Variants in TBC1D9 observed in about 807,000 individuals in gnomAD.
TBC1D9 encodes TBC1 domain family member 9A.
A neutral mutation model predicts 132.0 loss-of-function variants in TBC1D9; 63 were observed. That is an observed-to-expected ratio of 0.48 (90% CI 0.39 to 0.59). TBC1D9 has a LOEUF of 0.59. Among genes scored for constraint, TBC1D9 ranks in the 20% least tolerant of loss-of-function variants. The probability of loss-of-function intolerance (pLI) is 0.00; values close to 1 mark genes in which losing one functional copy is unlikely to be tolerated. For synonymous variants in TBC1D9, 610 were observed against 609.9 expected (o/e 1.00, Z 0.00); for missense variants, 1,261 against 1,592.7 (o/e 0.79, Z 3.54).
In TBC1D9 at chr4:140,676,993, G is replaced by A; in HGVS notation, c.960C>T (p.Asn320=). The change falls in exon 6 of 21, where the codon AAC becomes AAT. Residue 320 remains asparagine (N), a synonymous_variant. Coordinates refer to ENST00000442267, the MANE Select transcript of TBC1D9 (RefSeq NM_015130.3). ...HTDCTLWTPF[N]KMHILGQMFV... ...ACATCTGCCCCAAAATGTGCATTTT[G>A]TTAAATGGAGTCCAGAGAGTGCAGT... 6.2e-7 allele frequency: 1 copy of A among 1,613,968 alleles called. No homozygotes were observed. Among genetic ancestry groups the A allele is most frequent in the Non-Finnish European group, 8.5e-7 (1 of 1,179,888 alleles).
intron 6 of TBC1D9, among the ~76,000 whole-genome samples, chr4:140,675,150 A>T (rs190447483): frequency 2.0e-5 from 3 of 152,316 alleles, no homozygotes; most frequent in Non-Finnish European, 4.4e-5. Flanking sequence ...CAGAGAAAAA[A>T]CTAGAAAGCT....
At chr4:140,640,559 C>T (rs187175287) in intron 13 of TBC1D9, among the ~76,000 whole-genome samples, 39 of 152,088 alleles carry the variant, frequency 2.6e-4, no homozygotes, top group African/African-American at 9.2e-4. Context: ...GACATGAGGC[C>T]GTCTATCTTG....
At chr4:140,700,912 A>G (rs1738059107) in intron 2 of TBC1D9, 1 of 152,470 alleles carries the variant, frequency 6.6e-6, no homozygotes, top group African/African-American at 2.4e-5. Context: ...ACTGTGATCA[A>G]TGGAGATAGC....
intron 15 of TBC1D9, among the ~76,000 whole-genome samples, chr4:140,638,140 C>A (rs982746492): frequency 6.6e-6 from 1 of 152,124 alleles, no homozygotes; most frequent in African/African-American, 2.4e-5. Context: ...TTTTTATGTT[C>A]GTTTCTATTT....
chr4:140,643,088 A>G, intron 13 of TBC1D9: 10 of 1,363,438 alleles, frequency 7.3e-6, no homozygotes, highest in Non-Finnish European at 1.0e-5. Flanking sequence ...TGTGGGCTTC[A>G]GCTCCCGTGG....
chr4:140,648,412 G>T, intron 13 of TBC1D9, among the ~76,000 whole-genome samples: 1 of 148,256 alleles, frequency 6.7e-6, no homozygotes, highest in Non-Finnish European at 1.5e-5. Context: ...TTGAGACAGG[G>T]TCTTACTCTA....
At chr4:140,713,086 C>T (rs1738275934) in intron 1 of TBC1D9, among the ~76,000 whole-genome samples, 1 of 152,162 alleles carries the variant, frequency 6.6e-6, no homozygotes, top group Non-Finnish European at 1.5e-5. Flanking sequence ...TAACTAAGGT[C>T]TGAGTCTTGA....
At chr4:140,704,727 C>T (rs112521773) in intron 1 of TBC1D9, among the ~76,000 whole-genome samples, 3 of 152,288 alleles carry the variant, frequency 2.0e-5, no homozygotes, top group South Asian at 2.1e-4. Context: ...ATCTCCACCA[C>T]CACAATGTTC....
At chr4:140,657,058 G>T in intron 13 of TBC1D9, 39 bp downstream of exon 13, 1 of 1,604,660 alleles carries the variant, frequency 6.2e-7, no homozygotes, top group Non-Finnish European at 8.5e-7. Context: ...AGTGTCGAAT[G>T]CATGGTTAAG....
chr4:140,637,148 G>A lies in TBC1D9; in HGVS notation c.2505+1938C>T, dbSNP rs150092531. On this transcript the variant is annotated intron_variant, in intron 15 of 20. Coordinates refer to ENST00000442267, the MANE Select transcript of TBC1D9 (RefSeq NM_015130.3). Reference sequence around the variant, plus strand: ...AGGCAGATCACAAGGTCAGGAGTTCGAGACCAGCATGGCCAATATGGTGAA... The same window carrying A: ...AGGCAGATCACAAGGTCAGGAGTTCAAGACCAGCATGGCCAATATGGTGAA... Among the ~76,000 whole-genome samples, 1,206 of 152,090 alleles carry A rather than the reference G, an allele frequency of 7.9e-3. 13 individuals are homozygous for A. Among genetic ancestry groups the A allele is most frequent in the African/African-American group, 0.027 (1,113 of 41,492 alleles).
chr4:140,726,803 C>T (rs1422755120), intron 1 of TBC1D9, among the ~76,000 whole-genome samples: 1 of 152,224 alleles, frequency 6.6e-6, no homozygotes, highest in Non-Finnish European at 1.5e-5. Context: ...CTTTGTTACA[C>T]AAAGCAGTTA....
chr4:140,632,345 C>T (rs1052292216), intron 16 of TBC1D9, among the ~76,000 whole-genome samples: 1 of 151,222 alleles, frequency 6.6e-6, no homozygotes, highest in East Asian at 1.9e-4. Context: ...ATTAGCATAG[C>T]GTCAAAGGGG....
intron 13 of TBC1D9, among the ~76,000 whole-genome samples, chr4:140,647,569 A>T (rs972312587): frequency 6.6e-6 from 1 of 152,212 alleles, no homozygotes; most frequent in Non-Finnish European, 1.5e-5. Flanking sequence ...TTGGAGATAA[A>T]GTTCCAATAA....
At chr4:140,661,225 T>A (rs1737356569) in intron 10 of TBC1D9, among the ~76,000 whole-genome samples, 1 of 152,214 alleles carries the variant, frequency 6.6e-6, no homozygotes, top group Non-Finnish European at 1.5e-5. Flanking sequence ...ATATAGCCTT[T>A]GATTCTAAGG....
intron 1 of TBC1D9, among the ~76,000 whole-genome samples, chr4:140,751,913 TA>T (rs1738930039): frequency 6.6e-6 from 1 of 152,164 alleles, no homozygotes; most frequent in Non-Finnish European, 1.5e-5. Flanking sequence ...TGGCTAAAAT[TA>T]CAAAGACTGA....
At chr4:140,730,333 A>G (rs1738569003) in intron 1 of TBC1D9, among the ~76,000 whole-genome samples, 1 of 152,216 alleles carries the variant, frequency 6.6e-6, no homozygotes, top group South Asian at 2.1e-4. Context: ...TCTGCCTTAC[A>G]TTGTTGGTAC....
intron 13 of TBC1D9, 131 bp downstream of exon 13, chr4:140,656,966 G>A (rs549895357): frequency 3.3e-6 from 4 of 1,223,000 alleles, no homozygotes; most frequent in African/African-American, 3.0e-5. Flanking sequence ...GCGTCCCAAA[G>A]TCTAGAACTG....
At chr4:140,725,449 A>G (rs1726365675) in intron 1 of TBC1D9, among the ~76,000 whole-genome samples, 1 of 152,198 alleles carries the variant, frequency 6.6e-6, no homozygotes. Flanking sequence ...TGTCAGGTCC[A>G]GCGGAACAAG....
rs879795021 is a variant in TBC1D9, at chr4:140,638,509, G to GA, written c.2505+576dup. 3.5e-3 allele frequency among the ~76,000 whole-genome samples: 461 copies of GA among 131,172 alleles called. 2 individuals are homozygous for GA. Among genetic ancestry groups the GA allele is most frequent in the African/African-American group, 0.011 (376 of 35,668 alleles). The allele number at this position is 131,172 out of a possible 152,430, so 86.1% of individuals were successfully genotyped here. The stretch of plus-strand genomic sequence containing the variant: ...AAACCCCATCTCTACTAAAAAAAAA[G>GA]AAAAAAAAAAAGAAAAAAGAAAAAT... On this transcript the variant is annotated intron_variant, in intron 15 of 20. Coordinates refer to ENST00000442267, the MANE Select transcript of TBC1D9 (RefSeq NM_015130.3).
Sources: allele counts gnomAD v4.1 joint callset (sites outside exome capture counted in the v4.1 genomes callset), GRCh38; gene constraint gnomAD v4.1.1; transcripts MANE v1.5; gene names NCBI Gene and HGNC (gene_info 2026-07-23, HGNC 2026-07-21).